UBE2J1: variants seen among roughly 807,000 people sequenced by gnomAD.
UBE2J1 encodes ubiquitin conjugating enzyme E2 J1, also known as ubiquitin-conjugating enzyme E2 J1.
In UBE2J1, 17 loss-of-function variants were observed where a neutral mutation model predicts 42.1. The ratio of observed to expected loss-of-function variants is 0.40; its 90% CI spans 0.28 to 0.61. The LOEUF (loss-of-function observed/expected upper bound fraction) is 0.61. Ranked by LOEUF, UBE2J1 falls within the 20% of genes least tolerant of loss-of-function variation. The probability of loss-of-function intolerance (pLI) is 0.38; values close to 1 mark genes in which losing one functional copy is unlikely to be tolerated. For synonymous variants in UBE2J1, 127 were observed against 137.2 expected, an observed-to-expected ratio of 0.93 and a Z score of 0.52; for missense variants, 291 against 389.4, an observed-to-expected ratio of 0.75 and a Z score of 2.13.
intron 3 of UBE2J1, among the ~76,000 whole-genome samples, chr6:89,339,428 C>G (rs1768186664): frequency 1.2e-5 from 1 of 82,030 alleles, no homozygotes; most frequent in Non-Finnish European, 2.4e-5. Context: ...AGACCCTGTC[C>G]CCAAGAAAAG....
chr6:89,340,531 T>C (rs189907124), intron 3 of UBE2J1, among the ~76,000 whole-genome samples: 1 of 152,310 alleles, frequency 6.6e-6, no homozygotes, highest in Admixed American at 6.5e-5. Flanking sequence ...TAATACTTAT[T>C]AAGCAGCTTC....
At chr6:89,338,715 G>A (rs1481815435) in intron 3 of UBE2J1, among the ~76,000 whole-genome samples, 172 bp from the exon 4 acceptor site, 1 of 137,148 alleles carries the variant, frequency 7.3e-6, no homozygotes, top group Non-Finnish European at 1.5e-5. Context: ...ACCCAGGCTG[G>A]AGTGCAGTGG....
chr6:89,352,399 G>T, intron 1 of UBE2J1, 140 bp downstream of exon 1: 2 of 954,418 alleles, frequency 2.1e-6, no homozygotes, highest in Non-Finnish European at 3.0e-6. Context: ...TACTTCCCGG[G>T]CAGGCGGCGG....
intron 3 of UBE2J1, among the ~76,000 whole-genome samples, chr6:89,340,764 A>G (rs1219378839): frequency 2.7e-5 from 4 of 150,530 alleles, no homozygotes; most frequent in Non-Finnish European, 5.9e-5. Context: ...TTATTTATTT[A>G]TTTATTTATG....
chr6:89,335,291 ATT>A lies in UBE2J1; in HGVS notation c.558+9_558+10del, dbSNP rs769176743. 6 of 1,550,352 alleles carry A rather than the reference ATT, an allele frequency of 3.9e-6. No individual in the cohort carries two copies. The highest frequency in any genetic ancestry group is 5.2e-6 in the Non-Finnish European group (6 of 1,146,956). On this transcript the variant is annotated intron_variant, in intron 6 of 7. Transcript: ENST00000435041. ...TTGCAAGATTAGCATTTATTTAAGA[ATT>A]TATAGTACCTTAAAGCTTATTTGCC...
chr6:89,348,132 G>A (rs1439771692), intron 1 of UBE2J1, among the ~76,000 whole-genome samples: 1 of 152,190 alleles, frequency 6.6e-6, no homozygotes, highest in Non-Finnish European at 1.5e-5. Flanking sequence ...CATGGCTAGA[G>A]AGGAAACTTT....
At chr6:89,342,554 G>T in intron 2 of UBE2J1, 99 bp from the exon 3 acceptor site, 1 of 1,146,314 alleles carries the variant, frequency 8.7e-7, no homozygotes, top group Non-Finnish European at 1.2e-6. Context: ...AAAATTAAAT[G>T]CTTTATATTA....
At chr6:89,340,901 G>C (rs937160333) in intron 3 of UBE2J1, among the ~76,000 whole-genome samples, 3 of 150,866 alleles carry the variant, frequency 2.0e-5, no homozygotes, top group Non-Finnish European at 3.0e-5. Context: ...TCAGCCTCCC[G>C]AGTAGCTGGG....
intron 1 of UBE2J1, among the ~76,000 whole-genome samples, chr6:89,346,632 G>A (rs146379224): frequency 6.6e-6 from 1 of 151,994 alleles, no homozygotes; most frequent in Non-Finnish European, 1.5e-5. Flanking sequence ...CACCTTCCCT[G>A]GTTGCCCCCT....
At chr6:89,347,481 A>G (rs947048955) in intron 1 of UBE2J1, among the ~76,000 whole-genome samples, 1 of 152,222 alleles carries the variant, frequency 6.6e-6, no homozygotes, top group Non-Finnish European at 1.5e-5. Flanking sequence ...GAAAATAAAC[A>G]CTCAAAACTT....
At chr6:89,331,758 A>C (rs1768012584) in intron 7 of UBE2J1, among the ~76,000 whole-genome samples, 1 of 152,202 alleles carries the variant, frequency 6.6e-6, no homozygotes, top group Admixed American at 6.5e-5. Flanking sequence ...TACATCACAA[A>C]CATTAGGAGG....
rs1056752535 is a variant in UBE2J1 at position 89,327,507 on chromosome 6, G to A, written c.*2172C>T. 6.6e-6 allele frequency: 1 copy of A among 152,138 alleles called. No homozygotes were observed. Among genetic ancestry groups the A allele is most frequent in the Non-Finnish European group, 1.5e-5 (1 of 68,032 alleles). 9.4% of individuals were successfully genotyped at this position (152,138 alleles called of 1,614,324 possible). Reference sequence around the variant, plus strand: ...AAGGATTTTTAGGGAGCATATGTGAGATCAAAGGGAAGAAGAAAATGGTGC... The same window carrying A: ...AAGGATTTTTAGGGAGCATATGTGAAATCAAAGGGAAGAAGAAAATGGTGC... On this transcript the variant is annotated 3_prime_UTR_variant, in exon 8 of 8. Coordinates refer to ENST00000435041, the MANE Select transcript of UBE2J1 (RefSeq NM_016021.3).
chr6:89,339,884 T>G (rs1468871223), intron 3 of UBE2J1, among the ~76,000 whole-genome samples: 1 of 151,790 alleles, frequency 6.6e-6, no homozygotes, highest in Non-Finnish European at 1.5e-5. Flanking sequence ...AAGCGTGGTA[T>G]GTGTGACTAT....
At chr6:89,337,325 A>G (rs1362460800) in intron 5 of UBE2J1, among the ~76,000 whole-genome samples, 2 of 152,014 alleles carry the variant, frequency 1.3e-5, no homozygotes, top group East Asian at 3.9e-4. Context: ...AATACTATGT[A>G]TTCAAAGTAC....
At chr6:89,333,002 T>C (rs1768037300) in intron 7 of UBE2J1, 84 bp downstream of exon 7, 2 of 1,304,012 alleles carry the variant, frequency 1.5e-6, no homozygotes, top group South Asian at 2.0e-5. Flanking sequence ...ATTTTTCAGA[T>C]ATTTGATCCA....
intron 5 of UBE2J1, among the ~76,000 whole-genome samples, chr6:89,337,988 T>G (rs1488608773): frequency 6.6e-6 from 1 of 152,222 alleles, no homozygotes; most frequent in African/African-American, 2.4e-5. Flanking sequence ...TATCAACTAC[T>G]TTTTAAGACT....
chr6:89,329,498 G>T lies in UBE2J1; in HGVS notation c.*181C>A. 1.5e-6 allele frequency: 1 copy of T among 650,048 alleles called. No individual in the cohort carries two copies. The highest frequency in any genetic ancestry group is 2.6e-6 in the Non-Finnish European group (1 of 387,430). 40.3% of individuals were successfully genotyped at this position (650,048 alleles called of 1,614,324 possible). A position where few individuals can be genotyped will look rare whatever the true frequency, so the allele number is the denominator to read the frequency against. On this transcript the variant is annotated 3_prime_UTR_variant, in exon 8 of 8. Transcript: ENST00000435041. ...CTTTGACTTCTAGTCCCTTTAAGCA[G>T]GACGTAACTGCTAGACACAGTCTGA...
intron 1 of UBE2J1, among the ~76,000 whole-genome samples, chr6:89,348,466 C>A (rs538441825): frequency 2.6e-4 from 39 of 152,252 alleles, no homozygotes; most frequent in African/African-American, 9.1e-4. Context: ...TTATCAATTC[C>A]CAAAGCATGA....
chr6:89,331,771 G>A (rs539862936), intron 7 of UBE2J1, among the ~76,000 whole-genome samples: 6 of 152,206 alleles, frequency 3.9e-5, no homozygotes, highest in African/African-American at 1.4e-4. Context: ...TTAGGAGGCT[G>A]TCCTAAAAGG....
Sources: allele counts gnomAD v4.1 joint callset (sites outside exome capture counted in the v4.1 genomes callset), GRCh38; gene constraint gnomAD v4.1.1; transcripts MANE v1.5; gene names NCBI Gene and HGNC (gene_info 2026-07-23, HGNC 2026-07-21).